DYNC2I1: variants seen among roughly 807,000 people sequenced by gnomAD.
The protein encoded by DYNC2I1 is dynein 2 intermediate chain 1.
In DYNC2I1, 89 loss-of-function variants were observed where a neutral mutation model predicts 133.4. That is an observed-to-expected ratio of 0.67 (90% confidence interval 0.56 to 0.80). DYNC2I1 has a LOEUF of 0.80. Among genes scored for constraint, DYNC2I1 ranks in the 30% least tolerant of loss-of-function variants. DYNC2I1 has a pLI of 0.00. For missense variants in DYNC2I1, 1,291 were observed against 1,314.5 expected (o/e 0.98, Z 0.28); for synonymous variants, 504 against 484.3 (o/e 1.04, Z -0.54).
the DYNC2I1 span, among the ~76,000 whole-genome samples, chr7:158,841,833 G>T: frequency 1.3e-5 from 2 of 152,318 alleles, no homozygotes; most frequent in South Asian, 4.1e-4. Flanking sequence ...AAGTGAGGTT[G>T]ACGTGAGGTT....
At chr7:158,917,229 T>C (rs13310524) in intron 14 of DYNC2I1, among the ~76,000 whole-genome samples, 25,086 of 117,490 alleles carry the variant, frequency 0.21, 3,180 homozygotes, top group East Asian at 0.47. Context: ...TAAGGATGAT[T>C]GTGAAATGTT....
chr7:158,944,556 G>A (rs966028523), intron 24 of DYNC2I1, among the ~76,000 whole-genome samples: 1 of 152,200 alleles, frequency 6.6e-6, no homozygotes, highest in African/African-American at 2.4e-5. Flanking sequence ...CGAGTGGCTT[G>A]TAGTTCCTCA....
At chr7:158,890,754 A>T (rs1223494242) in intron 7 of DYNC2I1, among the ~76,000 whole-genome samples, 8 of 151,992 alleles carry the variant, frequency 5.3e-5, no homozygotes, top group African/African-American at 1.9e-4. Flanking sequence ...TTTTATTTTT[A>T]GTAGAGACGG....
In DYNC2I1 at chr7:158,871,324, G is replaced by T. The variant is rs1563085474; in HGVS notation, c.252G>T (p.Arg84Ser). Residue 84 changes from arginine (R) to serine (S), a missense_variant, in exon 3 of 25, where the codon AGG (arginine) becomes AGT (serine). Coordinates refer to ENST00000407559, the MANE Select transcript of DYNC2I1 (RefSeq NM_018051.5). ...CTAAGGAGAGTCCTCGTGGGGAGAG[G>T]GACAGAGACAGACAGAGGGAGAGGA... ...HTAKESPRGE[R>S]DRDRQRERRR... is the part of the protein sequence containing the mutation. The T allele has an allele frequency of 6.4e-7, 1 of 1,561,048 alleles. No homozygotes were observed. Among genetic ancestry groups the T allele is most frequent in the Admixed American group, 1.9e-5 (1 of 51,442 alleles).
rs10246212 is a variant in DYNC2I1, at chr7:158,904,802, T to C, written c.1358-1187T>C. ...GCAAGTAGCGGACAGTGCTGGGACT[T>C]GAGCTCAGGCCCCTGACCCAGACAG... On this transcript the variant is annotated intron_variant, in intron 10 of 24. Transcript: ENST00000407559. 459 of 205,790 alleles carry C rather than the reference T, an allele frequency of 2.2e-3. 7 individuals carry two copies. Among genetic ancestry groups the C allele is most frequent in the African/African-American group, 9.6e-3 (406 of 42,346 alleles). 12.7% of individuals were successfully genotyped at this position (205,790 alleles called of 1,614,324 possible).
At position 158,945,924 on chromosome 7, in the gene DYNC2I1, T is replaced by G; in HGVS notation, c.*145T>G. The G allele has an allele frequency of 1.3e-6, 1 of 796,160 alleles. No individual in the cohort carries two copies. Among genetic ancestry groups the G allele is most frequent in the Non-Finnish European group, 1.8e-6 (1 of 569,846 alleles). 49.3% of individuals were successfully genotyped at this position (796,160 alleles called of 1,614,324 possible). ...TAATTTATTTTACATGAATATGTCT[T>G]TGGTATTCCCAGTAAATAGATGACT... On this transcript the variant is annotated 3_prime_UTR_variant, in exon 25 of 25. Coordinates refer to ENST00000407559, the MANE Select transcript of DYNC2I1 (RefSeq NM_018051.5). This position sits in a 1 kb window ranked among gnomAD's most constrained non-coding sequence, Gnocchi z 4.1.
chr7:158,896,979 TA>T (rs1845814363), intron 8 of DYNC2I1, among the ~76,000 whole-genome samples: 1 of 150,158 alleles, frequency 6.7e-6, no homozygotes, highest in African/African-American at 2.5e-5. Flanking sequence ...AAGAATTGTA[TA>T]ATTTCTTTTT....
chr7:158,907,023 G>GGAGATGGCTT (rs1428241648), intron 11 of DYNC2I1, among the ~76,000 whole-genome samples: 2 of 152,036 alleles, frequency 1.3e-5, no homozygotes, highest in South Asian at 2.1e-4. Context: ...TGCTTAGGTG[G>GGAGATGGCTT]GAGATGGCTT....
intron 15 of DYNC2I1, 21 bp downstream of exon 15, chr7:158,918,890 A>G: frequency 1.2e-6 from 2 of 1,603,842 alleles, no homozygotes; most frequent in Non-Finnish European, 8.5e-7. Context: ...GTTCTCAAAT[A>G]TGATTTTAAA....
upstream of DYNC2I1, among the ~76,000 whole-genome samples, chr7:158,856,061 C>T (rs1162663668): frequency 6.6e-6 from 1 of 151,378 alleles, no homozygotes; most frequent in Admixed American, 6.6e-5. Flanking sequence ...TCTGCCTCAG[C>T]CTCCCGAGTA....
chr7:158,919,692 T>C (rs1374487848), intron 15 of DYNC2I1, among the ~76,000 whole-genome samples: 2 of 152,250 alleles, frequency 1.3e-5, no homozygotes, highest in East Asian at 3.8e-4. Context: ...TTTCAGTTTA[T>C]TTACATTTCT....
downstream of DYNC2I1, among the ~76,000 whole-genome samples, chr7:158,958,308 T>A (rs574440641): frequency 8.1e-4 from 123 of 152,390 alleles, 1 homozygote; most frequent in Admixed American, 4.0e-3. Context: ...TGGGAGGCTC[T>A]GCAGCGCCCG....
chr7:158,897,932 G>T (rs1441171506), intron 8 of DYNC2I1, among the ~76,000 whole-genome samples: 1 of 152,102 alleles, frequency 6.6e-6, no homozygotes, highest in African/African-American at 2.4e-5. Context: ...CACAAATTCT[G>T]ATAAGTTTTC....
At chr7:158,850,781 T>G in the DYNC2I1 span, among the ~76,000 whole-genome samples, 1 of 152,058 alleles carries the variant, frequency 6.6e-6, no homozygotes, top group East Asian at 1.9e-4. Context: ...AGGAATATGG[T>G]GCCAAAAAAA....
At chr7:158,854,023 G>GC (rs1841112844), upstream of DYNC2I1, among the ~76,000 whole-genome samples, 1 of 145,348 alleles carries the variant, frequency 6.9e-6, no homozygotes. Flanking sequence ...AATTTAGTGG[G>GC]TGGGGGGGCG....
intron 12 of DYNC2I1, among the ~76,000 whole-genome samples, chr7:158,912,550 C>T (rs1321247027): frequency 6.6e-6 from 1 of 152,140 alleles, no homozygotes; most frequent in Non-Finnish European, 1.5e-5. Flanking sequence ...CCTTGAACTC[C>T]TCGGACACTG....
intron 21 of DYNC2I1, among the ~76,000 whole-genome samples, chr7:158,933,659 G>A (rs1208504531): frequency 6.6e-6 from 1 of 152,216 alleles, no homozygotes; most frequent in Non-Finnish European, 1.5e-5. Flanking sequence ...CATAGTTAAA[G>A]TAGACGCAAA....
rs116042695 is a variant in DYNC2I1 at position 158,901,134 on chromosome 7, G to A, written c.1060-605G>A. On this transcript the variant is annotated intron_variant, in intron 8 of 24. Coordinates refer to ENST00000407559, the MANE Select transcript of DYNC2I1 (RefSeq NM_018051.5). ...TATCTTCTTGATTGTGCAGTGGCGC[G>A]ATCTTGGCTCACTGCAACGTCTGCC... Among the ~76,000 whole-genome samples the A allele has an allele frequency of 2.6e-3, 392 of 152,198 alleles. 3 individuals carry two copies. The highest frequency in any genetic ancestry group is 9.1e-3 in the African/African-American group (377 of 41,532).
At chr7:158,930,302 G>A (rs1038350460) in intron 20 of DYNC2I1, among the ~76,000 whole-genome samples, 153 bp from the exon 21 acceptor site, 1 of 152,226 alleles carries the variant, frequency 6.6e-6, no homozygotes, top group African/African-American at 2.4e-5. Context: ...ACCTCACCCA[G>A]AGGAAGGGAG....
Sources: allele counts gnomAD v4.1 joint callset (sites outside exome capture counted in the v4.1 genomes callset), GRCh38; gene constraint gnomAD v4.1.1; non-coding constraint Gnocchi (gnomAD v3.1); transcripts MANE v1.5; gene names NCBI Gene and HGNC (gene_info 2026-07-23, HGNC 2026-07-21).